Variants in ESRRG observed in about 807,000 individuals in gnomAD.
The protein encoded by ESRRG is estrogen-related receptor gamma.
Under a neutral mutation model 44.0 loss-of-function variants are expected in ESRRG, and 13 were observed. The ratio of observed to expected loss-of-function variants is 0.30; its 90% confidence interval spans 0.19 to 0.47. ESRRG has a LOEUF of 0.47. Ranked by LOEUF, ESRRG falls within the 20% of genes least tolerant of loss-of-function variation. The pLI, the probability that ESRRG is intolerant of heterozygous loss-of-function variation, is 1.00. For synonymous variants in ESRRG, 215 were observed against 214.6 expected (o/e 1.00, Z -0.02); for missense variants, 395 against 580.6 (o/e 0.68, Z 3.29).
intron 2 of ESRRG, among the ~76,000 whole-genome samples, chr1:216,745,152 T>TTTTGTTTG (rs550674868): frequency 2.0e-5 from 3 of 152,042 alleles, no homozygotes; most frequent in Non-Finnish European, 4.4e-5. Context: ...TTTTTTTGTT[T>TTTTGTTTG]TTTGTTTGTT....
At chr1:216,777,749 T>C (rs1415521399) in intron 2 of ESRRG, among the ~76,000 whole-genome samples, 3 of 152,156 alleles carry the variant, frequency 2.0e-5, no homozygotes, top group African/African-American at 4.8e-5. Context: ...TCTCTCTTTC[T>C]TATACACACA....
chr1:216,739,259 A>T (rs1180719182), intron 2 of ESRRG, among the ~76,000 whole-genome samples: 1 of 106,658 alleles, frequency 9.4e-6, no homozygotes, highest in Non-Finnish European at 2.1e-5. Context: ...AAGATTCATT[A>T]AAGTGAAAAA....
intron 1 of ESRRG, among the ~76,000 whole-genome samples, chr1:216,683,951 C>A (rs546012147): frequency 6.6e-6 from 1 of 152,232 alleles, no homozygotes; most frequent in South Asian, 2.1e-4. Context: ...ATAAAGATAC[C>A]TGTAGAATCC....
In ESRRG at chr1:216,920,361, T is replaced by C. The variant is rs140935217; in HGVS notation, c.-14+19221A>G. The stretch of plus-strand genomic sequence containing the variant: ...AGAAGACCTAGAAAATAGAGAACTC[T>C]AGTTGTGTGTGAATGTATGGGAGTG... On this transcript the variant is annotated intron_variant, in intron 2 of 7. Coordinates refer to the ESRRG transcript ENST00000359162. Among the ~76,000 whole-genome samples, 829 of 149,842 alleles carry C rather than the reference T, an allele frequency of 5.5e-3. 9 individuals carry two copies. The highest frequency in any genetic ancestry group is 0.017 in the Middle Eastern group (5 of 292).
At chr1:216,566,349 A>T (rs1360122082) in intron 4 of ESRRG, among the ~76,000 whole-genome samples, 2 of 152,192 alleles carry the variant, frequency 1.3e-5, no homozygotes, top group African/African-American at 2.4e-5. Context: ...GAAAATTAAC[A>T]CAGAGGCCTT....
intron 1 of ESRRG, among the ~76,000 whole-genome samples, chr1:217,071,997 T>A (rs2090624906): frequency 1.3e-5 from 2 of 152,354 alleles, no homozygotes; most frequent in South Asian, 2.1e-4. Flanking sequence ...AGTAATTTGT[T>A]ACCAGTAATA....
At chr1:216,987,869 G>A (rs189663789) in intron 1 of ESRRG, among the ~76,000 whole-genome samples, 138 of 152,232 alleles carry the variant, frequency 9.1e-4, no homozygotes, top group African/African-American at 3.2e-3. Flanking sequence ...ACCAATGATC[G>A]ACAGAAGAGT....
chr1:216,720,239 G>A (rs2085923394), intron 1 of ESRRG, among the ~76,000 whole-genome samples: 1 of 151,980 alleles, frequency 6.6e-6, no homozygotes, highest in Non-Finnish European at 1.5e-5. Context: ...TAATGGGCAA[G>A]GTTACAAAAC....
chr1:216,868,900 T>G (rs2096216112), intron 2 of ESRRG, among the ~76,000 whole-genome samples: 1 of 152,214 alleles, frequency 6.6e-6, no homozygotes, highest in Non-Finnish European at 1.5e-5. Context: ...TTTTGCACAT[T>G]TTAAAATTAG....
At chr1:217,124,530 G>C (rs2092863882) in intron 1 of ESRRG, among the ~76,000 whole-genome samples, 1 of 152,184 alleles carries the variant, frequency 6.6e-6, no homozygotes, top group Admixed American at 6.5e-5. Flanking sequence ...CCACGTGCAT[G>C]AATCAAGGTG....
rs563447145 is a variant in ESRRG, at chr1:216,808,664, T to A, written c.-14+130918A>T. Among the ~76,000 whole-genome samples, 360 of 152,264 alleles carry A rather than the reference T, an allele frequency of 2.4e-3. 1 individual carries two copies. Among genetic ancestry groups the A allele is most frequent in the African/African-American group, 7.8e-3 (323 of 41,554 alleles). The stretch of plus-strand genomic sequence containing the variant: ...GTCTTGAACTCCTGGGCTCAAGCTA[T>A]CTGCCTACCTCAGCCTCCCAAGGTG... On this transcript the variant is annotated intron_variant, in intron 2 of 7. Coordinates refer to the ESRRG transcript ENST00000359162.
chr1:217,131,138 T>G (rs1009563163), intron 1 of ESRRG, among the ~76,000 whole-genome samples: 1 of 152,218 alleles, frequency 6.6e-6, no homozygotes, highest in East Asian at 1.9e-4. Flanking sequence ...TGAAAAGTTC[T>G]GAAAATAAGT....
At chr1:216,678,534 C>A (rs1038649037) in intron 1 of ESRRG, among the ~76,000 whole-genome samples, 1 of 152,202 alleles carries the variant, frequency 6.6e-6, no homozygotes, top group Non-Finnish European at 1.5e-5. Context: ...AACATCTAAT[C>A]TGACACACTG....
chr1:216,661,964 G>A (rs1372702341), intron 2 of ESRRG, among the ~76,000 whole-genome samples: 1 of 152,070 alleles, frequency 6.6e-6, no homozygotes, highest in African/African-American at 2.4e-5. Flanking sequence ...GTGTGACTTT[G>A]GAGCAGCTCT....
At chr1:216,723,583 A>C (rs2086853254), upstream of ESRRG, 4 of 442,106 alleles carry the variant, frequency 9.0e-6, no homozygotes, top group Non-Finnish European at 1.2e-5. Context: ...GCACGGAGCG[A>C]GAGGAGCCAG....
At chr1:216,572,391 C>T (rs1043531425) in intron 3 of ESRRG, among the ~76,000 whole-genome samples, 1 of 152,024 alleles carries the variant, frequency 6.6e-6, no homozygotes, top group Non-Finnish European at 1.5e-5. Context: ...AACATGTGGA[C>T]AAAGCCTCTT....
intron 1 of ESRRG, among the ~76,000 whole-genome samples, chr1:217,076,013 T>A (rs1428968835): frequency 1.3e-5 from 2 of 152,202 alleles, no homozygotes; most frequent in Non-Finnish European, 2.9e-5. Context: ...CAATGATGCA[T>A]CTATTCAGAA....
In ESRRG at chr1:216,722,386, C is replaced by A. The variant is rs976913827; in HGVS notation, c.56+858G>T. 2.6e-5 allele frequency among the ~76,000 whole-genome samples: 4 copies of A among 151,976 alleles called. No homozygotes were observed. In the South Asian group the frequency reaches 8.3e-4, roughly 32 times the overall value. ...TACTCATTTACACAAAAATGCCTAA[C>A]TTACTTCTCGTACCCCCTACTCACT... On this transcript the variant is annotated intron_variant, in intron 1 of 6. Coordinates refer to ENST00000408911, the MANE Select transcript of ESRRG (RefSeq NM_001438.4).
intron 5 of ESRRG, among the ~76,000 whole-genome samples, chr1:216,541,984 G>A (rs1006149842): frequency 3.3e-5 from 5 of 151,346 alleles, no homozygotes; most frequent in Non-Finnish European, 2.9e-5. Flanking sequence ...ACGTTCCCTG[G>A]TAATGAACTG....
Sources: gnomAD v4.1 joint callset for allele counts (sites outside exome capture counted in the v4.1 genomes callset) on GRCh38, gnomAD v4.1.1 for gene constraint, MANE v1.5 for transcripts, NCBI Gene and HGNC (gene_info 2026-07-23, HGNC 2026-07-21) for gene names.